SEMA3A: variants seen among roughly 807,000 people sequenced by gnomAD.
SEMA3A encodes the protein semaphorin 3A, also known as semaphorin-3A.
Under a neutral mutation model 97.9 loss-of-function variants are expected in SEMA3A, and 29 were observed. The ratio of observed to expected loss-of-function variants is 0.30; its 90% confidence interval spans 0.22 to 0.40. The LOEUF (loss-of-function observed/expected upper bound fraction) is 0.40. Ranked by LOEUF, SEMA3A falls within the 10% of genes least tolerant of loss-of-function variation. SEMA3A has a pLI of 1.00. For synonymous variants in SEMA3A, 321 were observed against 323.7 expected (o/e 0.99, Z 0.09); for missense variants, 763 against 951.3 (o/e 0.80, Z 2.60).
intron 4 of SEMA3A, among the ~76,000 whole-genome samples, chr7:84,081,470 A>G (rs1419916035): frequency 1.3e-4 from 19 of 151,796 alleles, no homozygotes; most frequent in Admixed American, 5.9e-4. Flanking sequence ...GTGGGTGCTT[A>G]TAGTCCCAGC....
At chr7:84,212,606 A>G (rs1798657935) in intron 3 of SEMA3A, among the ~76,000 whole-genome samples, 1 of 152,214 alleles carries the variant, frequency 6.6e-6, no homozygotes, top group East Asian at 1.9e-4. Flanking sequence ...AATTTCTCCC[A>G]GAATTTAGTG....
chr7:84,463,088 G>A (rs1398223363), intron 1 of SEMA3A, among the ~76,000 whole-genome samples: 3 of 151,916 alleles, frequency 2.0e-5, no homozygotes, highest in Non-Finnish European at 4.4e-5. Flanking sequence ...AACCACCAAA[G>A]TACTGAATCA....
intron 3 of SEMA3A, among the ~76,000 whole-genome samples, chr7:84,206,092 G>C (rs1277842580): frequency 6.6e-6 from 1 of 152,082 alleles, no homozygotes; most frequent in Non-Finnish European, 1.5e-5. Context: ...CGGGCTGTTT[G>C]CAACCCCAGC....
At chr7:84,347,455 G>A (rs1584254987) in intron 2 of SEMA3A, among the ~76,000 whole-genome samples, 1 of 144,572 alleles carries the variant, frequency 6.9e-6, no homozygotes, top group African/African-American at 2.6e-5. Flanking sequence ...GTCTGTTGCC[G>A]GGCTGGAGTG....
intron 5 of SEMA3A, among the ~76,000 whole-genome samples, chr7:84,055,598 A>T (rs1053922344): frequency 2.6e-5 from 4 of 152,040 alleles, no homozygotes; most frequent in African/African-American, 2.4e-5. Flanking sequence ...ACCTGCGCCC[A>T]CTGTCTGGCA....
chr7:84,090,930 G>A (rs1794546198), intron 4 of SEMA3A, among the ~76,000 whole-genome samples: 1 of 151,054 alleles, frequency 6.6e-6, no homozygotes, highest in Admixed American at 6.7e-5. Flanking sequence ...AGCTGGGCGT[G>A]GTGGCTCATG....
chr7:84,135,297 G>C (rs1373911222), intron 1 of SEMA3A, among the ~76,000 whole-genome samples: 2 of 151,864 alleles, frequency 1.3e-5, no homozygotes, highest in South Asian at 2.1e-4. Flanking sequence ...TTTTAGTAGA[G>C]ATGGGGTTTC....
At chr7:84,110,070 A>G (rs983575632) in intron 4 of SEMA3A, among the ~76,000 whole-genome samples, 3 of 152,194 alleles carry the variant, frequency 2.0e-5, no homozygotes, top group Admixed American at 2.0e-4. Flanking sequence ...AATGTATGGC[A>G]TCCTATCTTA....
chr7:84,180,398 C>A (rs1002227530), intron 1 of SEMA3A, among the ~76,000 whole-genome samples: 1 of 151,924 alleles, frequency 6.6e-6, no homozygotes, highest in African/African-American at 2.4e-5. Context: ...AAAAAATTAA[C>A]CTGACGAGGC....
At chr7:84,094,291 A>T (rs954891310) in intron 4 of SEMA3A, among the ~76,000 whole-genome samples, 9 of 151,516 alleles carry the variant, frequency 5.9e-5, no homozygotes, top group African/African-American at 2.2e-4. Context: ...TATATTTTTA[A>T]ATTACTTTCT....
intron 1 of SEMA3A, among the ~76,000 whole-genome samples, chr7:84,143,950 AACACACACACACACAC>A (rs796470836): frequency 4.6e-4 from 44 of 94,688 alleles, no homozygotes; most frequent in East Asian, 1.7e-3. Context: ...CTCTCTCTCT[AACACACACACACACAC>A]ACACACACAC....
chr7:84,020,672 C>T (rs962320486), intron 6 of SEMA3A, among the ~76,000 whole-genome samples: 13 of 151,992 alleles, frequency 8.6e-5, no homozygotes, highest in Non-Finnish European at 1.0e-4. Flanking sequence ...TAAAACTTTC[C>T]ATCTCTTGCA....
At chr7:84,302,120 C>A (rs12707641) in intron 3 of SEMA3A, among the ~76,000 whole-genome samples, 2 of 151,920 alleles carry the variant, frequency 1.3e-5, no homozygotes, top group African/African-American at 4.8e-5. Context: ...AAATCAACTA[C>A]TAATACACAT....
At chr7:84,118,047 C>T (rs554190332) in intron 3 of SEMA3A, among the ~76,000 whole-genome samples, 11 of 152,248 alleles carry the variant, frequency 7.2e-5, no homozygotes, top group East Asian at 1.9e-4. Context: ...TCACCAATTA[C>T]GACAAGAGCT....
chr7:84,490,510 C>T (rs760287911), intron 1 of SEMA3A, among the ~76,000 whole-genome samples: 5 of 152,064 alleles, frequency 3.3e-5, no homozygotes, highest in African/African-American at 4.8e-5. Flanking sequence ...TAGGCAAAGG[C>T]TATATATTCC....
intron 2 of SEMA3A, among the ~76,000 whole-genome samples, chr7:84,358,082 A>C (rs924515699): frequency 6.6e-6 from 1 of 152,140 alleles, no homozygotes; most frequent in East Asian, 1.9e-4. Context: ...CCCATTCTGT[A>C]GGTTGCCTGT....
intron 3 of SEMA3A, among the ~76,000 whole-genome samples, chr7:84,252,395 C>T (rs74490950): frequency 0.027 from 4,182 of 152,230 alleles, 200 homozygotes; most frequent in African/African-American, 0.095. Flanking sequence ...AGGCAAACCA[C>T]GCAATAACAC....
chr7:83,975,293 A>T (rs1457648887), intron 15 of SEMA3A, among the ~76,000 whole-genome samples: 1 of 152,166 alleles, frequency 6.6e-6, no homozygotes, highest in Non-Finnish European at 1.5e-5. Context: ...CATTAAGATT[A>T]TATATGCATA....
intron 1 of SEMA3A, among the ~76,000 whole-genome samples, chr7:84,425,948 G>A (rs1804815900): frequency 6.6e-6 from 1 of 151,474 alleles, no homozygotes; most frequent in Non-Finnish European, 1.5e-5. Context: ...TGGAGTGAGA[G>A]ACCAGTATTC....
Sources: gnomAD v4.1 joint callset for allele counts (sites outside exome capture counted in the v4.1 genomes callset) on GRCh38, gnomAD v4.1.1 for gene constraint, MANE v1.5 for transcripts, NCBI Gene and HGNC (gene_info 2026-07-23, HGNC 2026-07-21) for gene names.